The following FAM83B variants were observed in gnomAD, a reference collection of about 807,000 sequenced individuals.
The protein encoded by FAM83B is scaffolding CK1 anchoring protein B, also known as protein FAM83B.
FAM83B carries 26 observed loss-of-function variants against 38.8 expected under a neutral mutation model. That is an observed-to-expected ratio of 0.67 (90% CI 0.49 to 0.93). The LOEUF is 0.93. FAM83B is among the 40% of genes least tolerant of loss of function. The pLI is 0.00. For synonymous variants in FAM83B, 419 were observed against 423.1 expected, an observed-to-expected ratio of 0.99 and a Z score of 0.12; for missense variants, 1,237 against 1,197.3, an observed-to-expected ratio of 1.03 and a Z score of -0.49.
In FAM83B at chr6:54,910,548, T is replaced by C. The variant is rs1168907678; in HGVS notation, c.445-15823T>C. Reference sequence around the variant, plus strand: ...CTAGTAGGAAGTGCCAGCAGGAGAGTAGAACACTAGAGCGGGGCAGAGTTC... The same window carrying C: ...CTAGTAGGAAGTGCCAGCAGGAGAGCAGAACACTAGAGCGGGGCAGAGTTC... On this transcript the variant is annotated intron_variant, in intron 2 of 4. Coordinates refer to ENST00000306858, the MANE Select transcript of FAM83B (RefSeq NM_001010872.3). 2.6e-5 allele frequency among the ~76,000 whole-genome samples: 4 copies of C among 152,170 alleles called. No individual in the cohort carries two copies. In the South Asian group the frequency reaches 6.2e-4, roughly 24 times the overall value.
In FAM83B at chr6:54,941,691, C is replaced by A. The variant is rs9475077; in HGVS notation, c.2720C>A (p.Thr907Asn). The change falls in exon 5 of 5, where the codon ACC becomes AAC. Residue 907 changes from threonine (T) to asparagine (N), a missense_variant. Transcript: ENST00000306858. Reference protein sequence around the residue: ...RDSREINAVVTPERRPTSSPR... With the variant: ...RDSREINAVVNPERRPTSSPR... ...TCAAGGGAGATTAATGCAGTTGTTA[C>A]CCCTGAAAGAAGACCTACTTCTTCT... is the stretch of plus-strand genomic sequence containing the variant. 0.19 allele frequency: 305,962 copies of A among 1,613,774 alleles called. 37,775 individuals carry two copies. The highest frequency in any genetic ancestry group is 0.63 in the African/African-American group (47,166 of 74,888).
rs1773737438 is a variant in FAM83B at position 54,942,932 on chromosome 6, T to C, written c.*925T>C. On this transcript the variant is annotated 3_prime_UTR_variant, in exon 5 of 5. Transcript: ENST00000306858. ...TTTTTTTTTCTTTTGAGATGGAGTC[T>C]CGCTCTGTCACCCAGGCTAGAGTGC... is the stretch of plus-strand genomic sequence containing the variant. 6.6e-6 allele frequency among the ~76,000 whole-genome samples: 1 copy of C among 151,724 alleles called. No individual in the cohort carries two copies. Among genetic ancestry groups the C allele is most frequent in the Non-Finnish European group, 1.5e-5 (1 of 67,944 alleles).
intron 2 of FAM83B, among the ~76,000 whole-genome samples, chr6:54,871,827 CTA>C (rs1278576717): frequency 6.9e-6 from 1 of 144,552 alleles, no homozygotes; most frequent in Admixed American, 7.0e-5. Flanking sequence ...TTAGTTATGA[CTA>C]TGTGATACAA....
intron 2 of FAM83B, among the ~76,000 whole-genome samples, chr6:54,871,547 C>T (rs1231383250): frequency 1.5e-5 from 2 of 130,266 alleles, no homozygotes; most frequent in Admixed American, 8.6e-5. Context: ...AGCAAAACCT[C>T]GTCTCTACAA....
chr6:54,922,448 C>T (rs934741234), intron 2 of FAM83B, among the ~76,000 whole-genome samples: 5 of 151,778 alleles, frequency 3.3e-5, no homozygotes, highest in Non-Finnish European at 7.4e-5. Flanking sequence ...TATCATTACA[C>T]CCCTCATTAA....
chr6:54,926,627 A>G, intron 3 of FAM83B, 92 bp downstream of exon 3: 1 of 990,296 alleles, frequency 1.0e-6, no homozygotes. Flanking sequence ...TGAATATAAA[A>G]CTGAAAAACA....
chr6:54,923,546 AC>A (rs1773218394), intron 2 of FAM83B, among the ~76,000 whole-genome samples: 1 of 152,108 alleles, frequency 6.6e-6, no homozygotes, highest in African/African-American at 2.4e-5. Context: ...TAAATTTATG[AC>A]CTGGTGAGTC....
intron 1 of FAM83B, among the ~76,000 whole-genome samples, chr6:54,855,349 C>A (rs1299929469): frequency 1.3e-5 from 2 of 152,140 alleles, no homozygotes; most frequent in Admixed American, 1.3e-4. Flanking sequence ...AAAATTACAG[C>A]ATATGGCTAC....
At chr6:54,882,098 C>CT (rs1161366389) in intron 2 of FAM83B, among the ~76,000 whole-genome samples, 5 of 152,074 alleles carry the variant, frequency 3.3e-5, no homozygotes, top group Non-Finnish European at 7.4e-5. Context: ...TGAACTCATC[C>CT]TTTTTTATGG....
At position 54,940,047 on chromosome 6, in the gene FAM83B, A is replaced by C; in HGVS notation, c.1076A>C (p.Lys359Thr). 6.2e-7 allele frequency: 1 copy of C among 1,614,034 alleles called. No homozygotes were observed. Among genetic ancestry groups the C allele is most frequent in the Non-Finnish European group, 8.5e-7 (1 of 1,179,976 alleles). ...TATAACATAAGAAGTCACGGATACAAACCTCATTTTGTTCCTAACTTTAAT... is the reference window on the plus strand; with the variant it reads ...TATAACATAAGAAGTCACGGATACACACCTCATTTTGTTCCTAACTTTAAT... ...DKYNIRSHGY[K>T]PHFVPNFNGP... is the part of the protein sequence containing the mutation. The change falls in exon 5 of 5, where the codon AAA (lysine) becomes ACA (threonine). Residue 359 changes from lysine (K) to threonine (T), a missense_variant. Coordinates refer to ENST00000306858, the MANE Select transcript of FAM83B (RefSeq NM_001010872.3).
chr6:54,882,293 A>T (rs547610858), intron 2 of FAM83B, among the ~76,000 whole-genome samples: 26 of 152,226 alleles, frequency 1.7e-4, no homozygotes, highest in Non-Finnish European at 3.2e-4. Context: ...TGACACCAGT[A>T]ACAGCTAATG....
chr6:54,945,040 A>G lies in FAM83B; in HGVS notation c.*3033A>G, dbSNP rs1221740274. On this transcript the variant is annotated 3_prime_UTR_variant, in exon 5 of 5. Transcript: ENST00000306858. ...CGATATTATAAAGAAATATTCTTCC[A>G]AATGAACTTTTGTTTTTAGATCAAT... 6.6e-6 allele frequency: 1 copy of G among 152,204 alleles called. No individual in the cohort carries two copies. The highest frequency in any genetic ancestry group is 1.5e-5 in the Non-Finnish European group (1 of 68,036). The allele number at this position is 152,204 out of a possible 1,614,324, so 9.4% of individuals were successfully genotyped here. A position where few individuals can be genotyped will look rare whatever the true frequency, so the allele number is the denominator to read the frequency against.
At position 54,898,603 on chromosome 6, in the gene FAM83B, G is replaced by C. The variant is rs148007541; in HGVS notation, c.445-27768G>C. Among the ~76,000 whole-genome samples, 1,021 of 152,132 alleles carry C rather than the reference G, an allele frequency of 6.7e-3. 14 individuals carry two copies. The highest frequency in any genetic ancestry group is 0.024 in the African/African-American group (986 of 41,498). ...TTATCTCTACTCTGCTTCCAAACTG[G>C]TTATTACCATTTATAGCTTCTGACT... On this transcript the variant is annotated intron_variant, in intron 2 of 4. Coordinates refer to ENST00000306858, the MANE Select transcript of FAM83B (RefSeq NM_001010872.3).
intron 2 of FAM83B, among the ~76,000 whole-genome samples, chr6:54,890,097 C>G (rs1050244802): frequency 4.6e-5 from 7 of 151,972 alleles, no homozygotes; most frequent in Admixed American, 3.9e-4. Flanking sequence ...TTCTTTACAG[C>G]TATTCTAGAA....
intron 2 of FAM83B, among the ~76,000 whole-genome samples, chr6:54,925,868 T>A (rs1220791192): frequency 6.6e-6 from 1 of 152,178 alleles, no homozygotes; most frequent in African/African-American, 2.4e-5. Context: ...AATTTTTTGG[T>A]CTTCAAGTCA....
chr6:54,922,271 A>T lies in FAM83B; in HGVS notation c.445-4100A>T, dbSNP rs182671511. 2.6e-4 allele frequency among the ~76,000 whole-genome samples: 39 copies of T among 152,172 alleles called. No individual in the cohort carries two copies. The East Asian group carries it at 7.1e-3, about 28-fold the overall frequency. ...AGACTATCTGGCAAATTAAAAATAAATTTTTAAATATGCTAATTAAAGAAT... is the reference window on the plus strand; with the variant it reads ...AGACTATCTGGCAAATTAAAAATAATTTTTTAAATATGCTAATTAAAGAAT... On this transcript the variant is annotated intron_variant, in intron 2 of 4. Coordinates refer to ENST00000306858, the MANE Select transcript of FAM83B (RefSeq NM_001010872.3).
chr6:54,848,913 A>G (rs940172430), intron 1 of FAM83B, among the ~76,000 whole-genome samples: 5 of 152,160 alleles, frequency 3.3e-5, no homozygotes, highest in African/African-American at 7.2e-5. Flanking sequence ...CTAGTTAGGT[A>G]AGTTTGCACG....
chr6:54,926,392 A>G lies in FAM83B; in HGVS notation c.466A>G (p.Ile156Val), dbSNP rs750884476. 4 of 1,602,288 alleles carry G rather than the reference A, an allele frequency of 2.5e-6. No homozygotes were observed. Among genetic ancestry groups the G allele is most frequent in the Admixed American group, 1.7e-5 (1 of 59,018 alleles). Reference protein sequence around the residue: ...ARKVIALVMDIFTDVDIFKEI... With the variant: ...ARKVIALVMDVFTDVDIFKEI... ...ACAGGTCATTGCTTTAGTGATGGAT[A>G]TATTTACAGATGTGGACATTTTCAA... The change falls in exon 3 of 5, where the codon ATA becomes GTA. Residue 156 changes from isoleucine (I) to valine (V), a missense_variant. By Grantham distance (29) the Ile-to-Val change is conservative. Coordinates refer to ENST00000306858, the MANE Select transcript of FAM83B (RefSeq NM_001010872.3).
chr6:54,902,771 A>G (rs532044476), intron 2 of FAM83B, among the ~76,000 whole-genome samples: 3 of 151,556 alleles, frequency 2.0e-5, no homozygotes, highest in African/African-American at 7.3e-5. Context: ...AGGCAGAAAT[A>G]AGTCTTATTA....
Sources: gnomAD v4.1 joint callset for allele counts (sites outside exome capture counted in the v4.1 genomes callset) on GRCh38, gnomAD v4.1.1 for gene constraint, MANE v1.5 for transcripts, NCBI Gene and HGNC (gene_info 2026-07-23, HGNC 2026-07-21) for gene names.